DHX15: variants seen among roughly 807,000 people sequenced by gnomAD.
DHX15 encodes ATP-dependent RNA helicase DHX15.
Under a neutral mutation model 94.4 loss-of-function variants are expected in DHX15, and 11 were observed. The ratio of observed to expected loss-of-function variants is 0.12; its 90% CI spans 0.07 to 0.19. The LOEUF is 0.19. Ranked by LOEUF, DHX15 falls within the 10% of genes least tolerant of loss-of-function variation. The probability of loss-of-function intolerance (pLI) is 1.00; values close to 1 mark genes in which losing one functional copy is unlikely to be tolerated. For missense variants in DHX15, 304 were observed against 988.5 expected, an observed-to-expected ratio of 0.31 and a Z score of 9.29; for synonymous variants, 338 against 329.9, an observed-to-expected ratio of 1.02 and a Z score of -0.27.
chr4:24,566,250 A>G (rs1360747272), intron 3 of DHX15, among the ~76,000 whole-genome samples: 1 of 151,768 alleles, frequency 6.6e-6, no homozygotes, highest in Non-Finnish European at 1.5e-5. Flanking sequence ...GGGTCTCACT[A>G]TGTTACCCAC....
At chr4:24,529,023 C>G (rs1721024547) in intron 13 of DHX15, among the ~76,000 whole-genome samples, 1 of 151,580 alleles carries the variant, frequency 6.6e-6, no homozygotes, top group South Asian at 2.1e-4. Flanking sequence ...AAAAAAAACC[C>G]TTTTTTAAAA....
At chr4:24,573,409 C>T (rs1028530394) in intron 2 of DHX15, among the ~76,000 whole-genome samples, 1 of 152,196 alleles carries the variant, frequency 6.6e-6, no homozygotes, top group Non-Finnish European at 1.5e-5. Flanking sequence ...TTAGAGCTAA[C>T]GGTCATTTCC....
rs760159292 is a variant in DHX15, at chr4:24,541,866, C to G, written c.1485+7G>C. 1.3e-6 allele frequency: 2 copies of G among 1,574,058 alleles called. No individual in the cohort carries two copies. The highest frequency in any genetic ancestry group is 1.8e-5 in the Admixed American group (1 of 57,052). On this transcript the variant is annotated splice_region_variant and intron_variant, in intron 8 of 13. Coordinates refer to ENST00000336812, the MANE Select transcript of DHX15 (RefSeq NM_001358.3). Reference sequence around the variant, plus strand: ...ACATATCGGCAGGAAACGACAATACCCCATACCTGCATTTCTGTTTTATAA... The same window carrying G: ...ACATATCGGCAGGAAACGACAATACGCCATACCTGCATTTCTGTTTTATAA...
chr4:24,573,210 C>G (rs1722161512), intron 2 of DHX15, among the ~76,000 whole-genome samples: 1 of 152,238 alleles, frequency 6.6e-6, no homozygotes. Flanking sequence ...TGTACCCAGC[C>G]AGGTCTAAGT....
chr4:24,543,280 T>C (rs1052910562), intron 6 of DHX15, among the ~76,000 whole-genome samples: 3 of 152,166 alleles, frequency 2.0e-5, no homozygotes, highest in Non-Finnish European at 4.4e-5. Flanking sequence ...TCAACCGCAT[T>C]ACATTTTGCT....
At chr4:24,540,528 C>A (rs1242734111) in intron 9 of DHX15, among the ~76,000 whole-genome samples, 1 of 151,874 alleles carries the variant, frequency 6.6e-6, no homozygotes, top group Non-Finnish European at 1.5e-5. Context: ...TAAATAATTG[C>A]TAATTCATCA....
At chr4:24,547,893 GTATGTATGTGTA>G (rs1560765634) in intron 6 of DHX15, among the ~76,000 whole-genome samples, 2 of 66,736 alleles carry the variant, frequency 3.0e-5, no homozygotes, top group Admixed American at 1.3e-4. Flanking sequence ...CTCTCTCTAT[GTATGTATGTGTA>G]TATATATATA....
intron 3 of DHX15, among the ~76,000 whole-genome samples, chr4:24,569,591 C>CA (rs60075617): frequency 0.35 from 23,617 of 68,334 alleles, 5,281 homozygotes; most frequent in Admixed American, 0.42. Context: ...GACTCCATCT[C>CA]AAAAAAAAAA....
At chr4:24,546,227 C>T (rs1456573825) in intron 6 of DHX15, among the ~76,000 whole-genome samples, 1 of 152,202 alleles carries the variant, frequency 6.6e-6, no homozygotes, top group Non-Finnish European at 1.5e-5. Context: ...TCTTCAGATC[C>T]TGGATCATTA....
intron 11 of DHX15, among the ~76,000 whole-genome samples, chr4:24,534,934 G>A (rs1213103935): frequency 6.8e-6 from 1 of 148,138 alleles, no homozygotes; most frequent in Non-Finnish European, 1.5e-5. Context: ...AATAACACGT[G>A]GGGATCTGGC....
intron 5 of DHX15, among the ~76,000 whole-genome samples, chr4:24,552,912 T>G (rs1317292126): frequency 6.6e-6 from 1 of 152,238 alleles, no homozygotes; most frequent in Non-Finnish European, 1.5e-5. Flanking sequence ...CCGCACAAAG[T>G]TGTCTCAGAG....
intron 4 of DHX15, among the ~76,000 whole-genome samples, chr4:24,555,342 G>T (rs1168928761): frequency 6.6e-6 from 1 of 151,522 alleles, no homozygotes; most frequent in Non-Finnish European, 1.5e-5. Flanking sequence ...ATATAAAAAG[G>T]TTCCTCCATA....
chr4:24,554,184 C>G (rs1039498209), intron 5 of DHX15, among the ~76,000 whole-genome samples: 7 of 152,094 alleles, frequency 4.6e-5, no homozygotes, highest in African/African-American at 1.7e-4. Context: ...CACCACTGCA[C>G]TACAGCCTGG....
At chr4:24,579,829 A>G (rs1448838573) in intron 1 of DHX15, among the ~76,000 whole-genome samples, 5 of 152,144 alleles carry the variant, frequency 3.3e-5, no homozygotes, top group African/African-American at 1.2e-4. Context: ...GCAGTGGTGC[A>G]ATCTCAGCTC....
At chr4:24,541,636 G>C (rs532482039) in intron 8 of DHX15, among the ~76,000 whole-genome samples, 1 of 152,068 alleles carries the variant, frequency 6.6e-6, no homozygotes, top group South Asian at 2.1e-4. Flanking sequence ...ATGTAAGTAA[G>C]GTTCAGCATA....
intron 1 of DHX15, among the ~76,000 whole-genome samples, chr4:24,583,482 AAAC>A (rs1166728670): frequency 6.6e-6 from 1 of 151,900 alleles, no homozygotes; most frequent in Non-Finnish European, 1.5e-5. Context: ...TGAAAAAAAA[AAAC>A]AATGCCTTCT....
At chr4:24,567,313 G>A (rs957666701) in intron 3 of DHX15, among the ~76,000 whole-genome samples, 2 of 152,068 alleles carry the variant, frequency 1.3e-5, no homozygotes, top group South Asian at 2.1e-4. Context: ...GCGTGGTGGC[G>A]GCTGCCTGTA....
chr4:24,576,749 AAG>A, intron 1 of DHX15, 71 bp from the exon 2 acceptor site: 1 of 1,551,784 alleles, frequency 6.4e-7, no homozygotes, highest in South Asian at 1.2e-5. Flanking sequence ...TATAATCACA[AAG>A]AGAGTAAATG....
intron 5 of DHX15, among the ~76,000 whole-genome samples, chr4:24,550,271 T>C (rs1721564634): frequency 6.6e-6 from 1 of 152,020 alleles, no homozygotes; most frequent in Non-Finnish European, 1.5e-5. Flanking sequence ...ACTGTACATT[T>C]TGGCGATACA....
Sources: gnomAD v4.1 joint callset for allele counts (sites outside exome capture counted in the v4.1 genomes callset) on GRCh38, gnomAD v4.1.1 for gene constraint, MANE v1.5 for transcripts, NCBI Gene and HGNC (gene_info 2026-07-23, HGNC 2026-07-21) for gene names.